ZFPM2: variants seen among roughly 807,000 people sequenced by gnomAD.
ZFPM2 encodes the protein zinc finger protein ZFPM2.
A neutral mutation model predicts 98.6 loss-of-function variants in ZFPM2; 20 were observed. That is an observed-to-expected ratio of 0.20 (90% CI 0.14 to 0.29). ZFPM2 has a LOEUF of 0.29. ZFPM2 is among the 10% of genes least tolerant of loss of function. The pLI is 1.00. For missense variants in ZFPM2, 1,310 were observed against 1,388.6 expected (o/e 0.94, Z 0.90); for synonymous variants, 518 against 502.7 (o/e 1.03, Z -0.41).
intron 3 of ZFPM2, among the ~76,000 whole-genome samples, chr8:105,517,788 G>A (rs900079561): frequency 6.6e-6 from 1 of 150,636 alleles, no homozygotes; most frequent in African/African-American, 2.5e-5. Flanking sequence ...CAGCTACTTA[G>A]GAGGCTGAGC....
chr8:105,675,130 A>T (rs1563516418), intron 5 of ZFPM2, among the ~76,000 whole-genome samples: 1 of 152,194 alleles, frequency 6.6e-6, no homozygotes, highest in Admixed American at 6.5e-5. Context: ...GTCAAAATAT[A>T]GATTGGAAAA....
chr8:105,523,513 T>A (rs1814106889), intron 3 of ZFPM2, among the ~76,000 whole-genome samples: 1 of 152,218 alleles, frequency 6.6e-6, no homozygotes, highest in Non-Finnish European at 1.5e-5. Context: ...CAGTATGCAG[T>A]GGCCCAACCA....
At chr8:105,573,751 T>C (rs1815406129) in intron 4 of ZFPM2, among the ~76,000 whole-genome samples, 1 of 152,162 alleles carries the variant, frequency 6.6e-6, no homozygotes, top group South Asian at 2.1e-4. Flanking sequence ...TTCTTCTCCT[T>C]TGGTAATTTT....
intron 5 of ZFPM2, among the ~76,000 whole-genome samples, chr8:105,721,759 C>G (rs1053305396): frequency 5.9e-5 from 9 of 151,890 alleles, no homozygotes; most frequent in Non-Finnish European, 1.3e-4. Flanking sequence ...GATAGTAACT[C>G]TTAAGTAATT....
rs1262351871 is a variant in ZFPM2, at chr8:105,509,312, T to A, written c.302-52051T>A. ...GCATACCTTGGAGGGTAAGCTTCCC[T>A]GCAGTGGAAGGGATCCCTTCCCTCT... On this transcript the variant is annotated intron_variant, in intron 3 of 7. Transcript: ENST00000407775. Among the ~76,000 whole-genome samples, 3 of 152,126 alleles carry A rather than the reference T, an allele frequency of 2.0e-5. No individual in the cohort carries two copies. The East Asian group carries it at 5.8e-4, about 30-fold the overall frequency.
At chr8:105,660,499 G>C (rs1817367093) in intron 5 of ZFPM2, among the ~76,000 whole-genome samples, 1 of 152,174 alleles carries the variant, frequency 6.6e-6, no homozygotes, top group Admixed American at 6.5e-5. Flanking sequence ...GTAAAAGGAA[G>C]TATCATACAT....
intron 5 of ZFPM2, among the ~76,000 whole-genome samples, chr8:105,728,051 G>A (rs1811855349): frequency 6.6e-6 from 1 of 151,468 alleles, no homozygotes. Flanking sequence ...ACAGTTTGAG[G>A]CCAGATTGTA....
In ZFPM2 at chr8:105,729,147, G is replaced by A. The variant is rs1811874535; in HGVS notation, c.533-59571G>A. Among the ~76,000 whole-genome samples, 3 of 151,566 alleles carry A rather than the reference G, an allele frequency of 2.0e-5. 1 individual carries two copies. The highest frequency in any genetic ancestry group is 4.4e-5 in the Non-Finnish European group (3 of 67,782). On this transcript the variant is annotated intron_variant, in intron 5 of 7. Coordinates refer to ENST00000407775, the MANE Select transcript of ZFPM2 (RefSeq NM_012082.4). The stretch of plus-strand genomic sequence containing the variant: ...TATTTATATAAAATCACTATTTTTC[G>A]ATATAGAAATGTTACATATTATATC...
rs1298820508 is a variant in ZFPM2 at position 105,419,071 on chromosome 8, G to A, written c.41-73G>A. Reference sequence around the variant, plus strand: ...TTTCTCACCACTGTAACAAAAAAAGGCTCTATTTAAGGATTTTATTTCACT... The same window carrying A: ...TTTCTCACCACTGTAACAAAAAAAGACTCTATTTAAGGATTTTATTTCACT... On this transcript the variant is annotated intron_variant, in intron 1 of 7. Transcript: ENST00000407775. 4.1e-6 allele frequency: 6 copies of A among 1,448,210 alleles called. No individual in the cohort carries two copies. In the Admixed American group the frequency reaches 1.4e-4, roughly 33 times the overall value. 89.7% of individuals were successfully genotyped at this position (1,448,210 alleles called of 1,614,324 possible).
chr8:105,613,292 G>T (rs188123547), intron 4 of ZFPM2, among the ~76,000 whole-genome samples: 1 of 152,052 alleles, frequency 6.6e-6, no homozygotes, highest in Admixed American at 6.6e-5. Context: ...AGAATAGACA[G>T]GGAAGAAGAC....
At chr8:105,669,536 ATGTGTGTG>A (rs71305176) in intron 5 of ZFPM2, among the ~76,000 whole-genome samples, 41 of 139,150 alleles carry the variant, frequency 2.9e-4, no homozygotes, top group South Asian at 9.1e-4. Context: ...GAAAGTGTGC[ATGTGTGTG>A]TGTGTGTGTG....
chr8:105,476,008 AT>A (rs559322753), intron 3 of ZFPM2, among the ~76,000 whole-genome samples: 1 of 152,308 alleles, frequency 6.6e-6, no homozygotes, highest in African/African-American at 2.4e-5. Flanking sequence ...TGATCTTGAT[AT>A]TTTTTTGAAA....
At chr8:105,469,033 TA>T (rs1340737656) in intron 3 of ZFPM2, among the ~76,000 whole-genome samples, 1 of 151,910 alleles carries the variant, frequency 6.6e-6, no homozygotes, top group African/African-American at 2.4e-5. Context: ...ACTTGTCCCA[TA>T]GGGGGAAAAG....
At chr8:105,468,032 G>A (rs1034802713) in intron 3 of ZFPM2, among the ~76,000 whole-genome samples, 9 of 151,742 alleles carry the variant, frequency 5.9e-5, no homozygotes, top group Admixed American at 2.0e-4. Flanking sequence ...TATCACTCAT[G>A]TCCCCTATCT....
chr8:105,746,794 C>A (rs77430629), intron 5 of ZFPM2, among the ~76,000 whole-genome samples: 1 of 151,188 alleles, frequency 6.6e-6, no homozygotes, highest in Non-Finnish European at 1.5e-5. Flanking sequence ...AAGGCCGATG[C>A]GGTTTTTAAA....
At chr8:105,532,744 A>G (rs1814322953) in intron 3 of ZFPM2, among the ~76,000 whole-genome samples, 1 of 152,152 alleles carries the variant, frequency 6.6e-6, no homozygotes, top group Non-Finnish European at 1.5e-5. Flanking sequence ...TGCCCAGTGA[A>G]TGATGTAATT....
At position 105,554,652 on chromosome 8, in the gene ZFPM2, A is replaced by G. The variant is rs563142853; in HGVS notation, c.302-6711A>G. 4.6e-5 allele frequency among the ~76,000 whole-genome samples: 7 copies of G among 152,246 alleles called. No individual in the cohort carries two copies. In the South Asian group the frequency reaches 1.2e-3, roughly 27 times the overall value. On this transcript the variant is annotated intron_variant, in intron 3 of 7. Transcript: ENST00000407775. ...TATATTTAAAACCAAGTTCAAACCA[A>G]TCCGAATTGTATTTTCAGCAAATGC...
chr8:105,331,597 A>G (rs544273162), intron 1 of ZFPM2, among the ~76,000 whole-genome samples: 1 of 151,876 alleles, frequency 6.6e-6, no homozygotes, highest in Admixed American at 6.6e-5. Context: ...AGAAAGAAAC[A>G]TGATTACATT....
At chr8:105,783,203 C>CT (rs1813303968) in intron 5 of ZFPM2, among the ~76,000 whole-genome samples, 1 of 57,486 alleles carries the variant, frequency 1.7e-5, no homozygotes, top group Admixed American at 1.6e-4. Context: ...CCTTGTGTTT[C>CT]TTTATGGTTT....
Sources: allele counts gnomAD v4.1 joint callset (sites outside exome capture counted in the v4.1 genomes callset), GRCh38; gene constraint gnomAD v4.1.1; transcripts MANE v1.5; gene names NCBI Gene and HGNC (gene_info 2026-07-23, HGNC 2026-07-21).